CDH4: variants seen among roughly 807,000 people sequenced by gnomAD.
The protein encoded by CDH4 is cadherin-4.
Under a neutral mutation model 86.0 loss-of-function variants are expected in CDH4, and 33 were observed. The ratio of observed to expected loss-of-function variants is 0.38; its 90% CI spans 0.29 to 0.51. The LOEUF (loss-of-function observed/expected upper bound fraction) is 0.51, where lower values mean the gene tolerates loss of function less well. Ranked by LOEUF, CDH4 falls within the 20% of genes least tolerant of loss-of-function variation. CDH4 has a pLI of 0.86. For synonymous variants in CDH4, 555 were observed against 549.4 expected (o/e 1.01, Z -0.14); for missense variants, 1,114 against 1,307.4 (o/e 0.85, Z 2.28).
intron 2 of CDH4, among the ~76,000 whole-genome samples, chr20:61,334,806 T>C (rs76806277): frequency 0.023 from 3,542 of 152,336 alleles, 94 homozygotes; most frequent in African/African-American, 0.056. Flanking sequence ...GTGAGGGTCA[T>C]TGGCATTCAG....
At chr20:61,424,700 A>G (rs2085201878) in intron 2 of CDH4, among the ~76,000 whole-genome samples, 1 of 152,152 alleles carries the variant, frequency 6.6e-6, no homozygotes, top group South Asian at 2.1e-4. Context: ...TCCAGATTTC[A>G]GCTTCAGTCC....
chr20:61,388,339 C>T (rs2084963477), intron 2 of CDH4, among the ~76,000 whole-genome samples: 1 of 152,166 alleles, frequency 6.6e-6, no homozygotes, highest in Non-Finnish European at 1.5e-5. Context: ...GAGTAGACCA[C>T]ATACCACTGC....
intron 2 of CDH4, among the ~76,000 whole-genome samples, chr20:61,693,154 A>G (rs1053160073): frequency 1.1e-4 from 16 of 152,178 alleles, no homozygotes; most frequent in African/African-American, 3.9e-4. Flanking sequence ...TTCAAGGCAC[A>G]CCACAGTATA....
chr20:61,712,768 G>C (rs1236946169), intron 2 of CDH4, among the ~76,000 whole-genome samples: 1 of 152,174 alleles, frequency 6.6e-6, no homozygotes, highest in Non-Finnish European at 1.5e-5. Flanking sequence ...ATCACGGAAG[G>C]CTCCCCATGC....
At chr20:61,531,846 A>G (rs1468580917) in intron 2 of CDH4, among the ~76,000 whole-genome samples, 1 of 152,248 alleles carries the variant, frequency 6.6e-6, no homozygotes, top group African/African-American at 2.4e-5. Context: ...TTCGACCAAC[A>G]CCGGTTGGGG....
chr20:61,839,997 C>T (rs1982086745), intron 4 of CDH4, among the ~76,000 whole-genome samples: 1 of 151,916 alleles, frequency 6.6e-6, no homozygotes, highest in South Asian at 2.1e-4. Flanking sequence ...GTGGTCAGGA[C>T]CAAACTGACT....
chr20:61,507,313 C>T (rs1024928352), intron 2 of CDH4, among the ~76,000 whole-genome samples: 7 of 152,172 alleles, frequency 4.6e-5, no homozygotes, highest in African/African-American at 1.7e-4. Flanking sequence ...CTTCAGATAA[C>T]GTGGTGTTAA....
chr20:61,822,602 T>G (rs1981105130), intron 4 of CDH4, among the ~76,000 whole-genome samples: 2 of 152,224 alleles, frequency 1.3e-5, no homozygotes, highest in South Asian at 4.2e-4. Flanking sequence ...CACCATGGCG[T>G]CATCTGAGGG....
intron 2 of CDH4, among the ~76,000 whole-genome samples, chr20:61,255,560 G>C (rs1252358248): frequency 6.6e-6 from 1 of 152,218 alleles, no homozygotes; most frequent in Admixed American, 6.5e-5. Context: ...GCATAGGAGG[G>C]GACATAAATC....
chr20:61,289,301 G>A (rs2084309630), intron 2 of CDH4, among the ~76,000 whole-genome samples: 1 of 152,220 alleles, frequency 6.6e-6, no homozygotes, highest in South Asian at 2.1e-4. Context: ...AAAGCTCACA[G>A]GATGGAGTGA....
intron 2 of CDH4, among the ~76,000 whole-genome samples, chr20:61,578,388 C>T (rs1600775679): frequency 1.3e-5 from 2 of 152,344 alleles, no homozygotes; most frequent in African/African-American, 2.4e-5. Flanking sequence ...TCTGTGATTT[C>T]ACTGGATGTA....
chr20:61,356,909 C>T (rs1195841837), intron 2 of CDH4, among the ~76,000 whole-genome samples: 1 of 152,142 alleles, frequency 6.6e-6, no homozygotes, highest in Admixed American at 6.5e-5. Context: ...CACGTTTAGC[C>T]TCTTTCTCTC....
chr20:61,699,904 CCAAA>C (rs1363956311), intron 2 of CDH4, among the ~76,000 whole-genome samples: 1 of 152,200 alleles, frequency 6.6e-6, no homozygotes, highest in East Asian at 1.9e-4. Context: ...TGAGTACAAA[CCAAA>C]CAGTGAGGCC....
chr20:61,390,538 C>T (rs536718706), intron 2 of CDH4, among the ~76,000 whole-genome samples: 1 of 147,860 alleles, frequency 6.8e-6, no homozygotes, highest in East Asian at 2.0e-4. Flanking sequence ...TCATAGGGTG[C>T]CCATAGCGCC....
At chr20:61,487,675 G>A (rs1435408276) in intron 2 of CDH4, among the ~76,000 whole-genome samples, 1 of 152,150 alleles carries the variant, frequency 6.6e-6, no homozygotes, top group African/African-American at 2.4e-5. Flanking sequence ...AGGTTAATTT[G>A]TACTAGACCC....
At chr20:61,469,217 T>C (rs766791754) in intron 2 of CDH4, among the ~76,000 whole-genome samples, 4 of 152,210 alleles carry the variant, frequency 2.6e-5, no homozygotes, top group Non-Finnish European at 5.9e-5. Context: ...GCATTTGTTA[T>C]TGCCTGTCTT....
At chr20:61,730,309 C>G (rs1352777395) in intron 2 of CDH4, among the ~76,000 whole-genome samples, 1 of 152,086 alleles carries the variant, frequency 6.6e-6, no homozygotes, top group African/African-American at 2.4e-5. Context: ...TGAAAGTCCC[C>G]CATGCCCTCC....
chr20:61,690,916 G>T (rs866600462), intron 2 of CDH4, among the ~76,000 whole-genome samples: 21 of 152,168 alleles, frequency 1.4e-4, no homozygotes, highest in Non-Finnish European at 2.9e-5. Flanking sequence ...TCCTGAGAGG[G>T]GCACACTTGG....
chr20:61,877,057 C>G (rs1984058433), intron 7 of CDH4, among the ~76,000 whole-genome samples: 1 of 152,192 alleles, frequency 6.6e-6, no homozygotes, highest in African/African-American at 2.4e-5. Flanking sequence ...CCCAGCTGGC[C>G]TGGTGCACCC....
Sources: gnomAD v4.1 joint callset for allele counts (sites outside exome capture counted in the v4.1 genomes callset) on GRCh38, gnomAD v4.1.1 for gene constraint, MANE v1.5 for transcripts, NCBI Gene and HGNC (gene_info 2026-07-23, HGNC 2026-07-21) for gene names.